The following MAGI2 variants were observed in gnomAD, a reference collection of about 807,000 sequenced individuals.
The protein encoded by MAGI2 is membrane-associated guanylate kinase, WW and PDZ domain-containing protein 2.
MAGI2 carries 35 observed loss-of-function variants against 133.3 expected under a neutral mutation model. The ratio of observed to expected loss-of-function variants is 0.26; its 90% confidence interval spans 0.20 to 0.35. MAGI2 has a LOEUF of 0.35. MAGI2 is among the 10% of genes least tolerant of loss of function. The pLI is 1.00. For synonymous variants in MAGI2, 729 were observed against 710.6 expected, an observed-to-expected ratio of 1.03 and a Z score of -0.41; for missense variants, 1,636 against 1,863.4, an observed-to-expected ratio of 0.88 and a Z score of 2.25.
At chr7:79,429,018 A>C (rs1047429779) in intron 1 of MAGI2, among the ~76,000 whole-genome samples, 2 of 152,132 alleles carry the variant, frequency 1.3e-5, no homozygotes, top group Non-Finnish European at 2.9e-5. Context: ...TATATAACAG[A>C]AACAGCCTGT....
intron 6 of MAGI2, among the ~76,000 whole-genome samples, chr7:78,427,619 T>G (rs748887224): frequency 6.7e-6 from 1 of 149,906 alleles, no homozygotes; most frequent in Non-Finnish European, 1.5e-5. Flanking sequence ...TAGTGAAAGA[T>G]TTTAATACCA....
chr7:79,083,036 C>T lies in MAGI2; in HGVS notation c.302-75830G>A, dbSNP rs1026292892. ...TGATTTTTTGTATATTGATCTTCTG[C>T]TTGCTGAATTCACTTGTTATTTCTA... On this transcript the variant is annotated intron_variant, in intron 1 of 21. Transcript: ENST00000354212. 2.6e-5 allele frequency among the ~76,000 whole-genome samples: 4 copies of T among 151,242 alleles called. No individual in the cohort carries two copies. In the Admixed American group the frequency reaches 2.6e-4, roughly 10 times the overall value.
intron 10 of MAGI2, among the ~76,000 whole-genome samples, chr7:78,202,298 A>T (rs1315204265): frequency 6.6e-6 from 1 of 152,210 alleles, no homozygotes; most frequent in East Asian, 1.9e-4. Context: ...ATAGTTACCT[A>T]CACACATTAG....
intron 1 of MAGI2, among the ~76,000 whole-genome samples, chr7:79,186,068 T>A (rs1827058666): frequency 6.6e-6 from 1 of 151,256 alleles, no homozygotes; most frequent in South Asian, 2.1e-4. Context: ...TGCTAAAAAA[T>A]GTGCATAGAC....
intron 2 of MAGI2, among the ~76,000 whole-genome samples, chr7:78,865,091 G>A (rs956944288): frequency 6.6e-5 from 10 of 152,130 alleles, no homozygotes; most frequent in South Asian, 4.1e-4. Flanking sequence ...ACCTGCTTCC[G>A]TATAAATCTA....
intron 14 of MAGI2, among the ~76,000 whole-genome samples, chr7:78,168,551 G>T (rs1264571877): frequency 1.3e-5 from 2 of 152,204 alleles, no homozygotes; most frequent in Non-Finnish European, 2.9e-5. Flanking sequence ...GAAACAAGGT[G>T]AGGATTGAAT....
chr7:78,412,468 C>A (rs1797955319), intron 6 of MAGI2, among the ~76,000 whole-genome samples: 1 of 151,960 alleles, frequency 6.6e-6, no homozygotes, highest in South Asian at 2.1e-4. Context: ...CTGAGCTGTG[C>A]TATGCAGAAT....
At chr7:79,325,546 A>G (rs2129085434) in intron 1 of MAGI2, among the ~76,000 whole-genome samples, 1 of 152,020 alleles carries the variant, frequency 6.6e-6, no homozygotes, top group East Asian at 1.9e-4. Flanking sequence ...TATAAAGAAG[A>G]GTTAACTGTT....
At chr7:78,675,248 C>CTGTTGTTGT (rs57947329) in intron 2 of MAGI2, among the ~76,000 whole-genome samples, 11 of 150,524 alleles carry the variant, frequency 7.3e-5, no homozygotes, top group African/African-American at 1.2e-4. Flanking sequence ...TTATGGGTTG[C>CTGTTGTTGT]TGTTGTTGTT....
chr7:78,394,126 G>A (rs1002538532), intron 6 of MAGI2, among the ~76,000 whole-genome samples: 1 of 152,110 alleles, frequency 6.6e-6, no homozygotes, highest in Non-Finnish European at 1.5e-5. Flanking sequence ...AGAAGATGGA[G>A]GACCCAGCTC....
At chr7:78,514,916 C>A (rs562420222) in intron 4 of MAGI2, among the ~76,000 whole-genome samples, 43 of 152,246 alleles carry the variant, frequency 2.8e-4, no homozygotes, top group African/African-American at 1.0e-3. Context: ...GCTTGGGGGC[C>A]TGGAGAAGGC....
At chr7:78,100,231 A>G (rs1293615754) in intron 20 of MAGI2, among the ~76,000 whole-genome samples, 1 of 151,852 alleles carries the variant, frequency 6.6e-6, no homozygotes, top group African/African-American at 2.4e-5. Flanking sequence ...CACCATCCCA[A>G]CTCCTACTTG....
intron 1 of MAGI2, among the ~76,000 whole-genome samples, chr7:79,114,382 G>A (rs556429622): frequency 6.6e-6 from 1 of 152,314 alleles, no homozygotes; most frequent in Admixed American, 6.5e-5. Flanking sequence ...GGTGGTAGAT[G>A]TCTCATGATC....
chr7:78,906,808 A>G (rs1356755996), intron 2 of MAGI2, among the ~76,000 whole-genome samples: 1 of 152,144 alleles, frequency 6.6e-6, no homozygotes, highest in East Asian at 1.9e-4. Context: ...ACACATACAC[A>G]CATATGTATA....
intron 5 of MAGI2, among the ~76,000 whole-genome samples, chr7:78,500,500 C>T (rs13244349): frequency 0.35 from 53,026 of 151,898 alleles, 9,902 homozygotes; most frequent in South Asian, 0.5. Flanking sequence ...TAATTTTGTG[C>T]GAAGATTTTC....
intron 9 of MAGI2, among the ~76,000 whole-genome samples, chr7:78,340,441 C>T (rs914372231): frequency 2.0e-5 from 3 of 152,238 alleles, no homozygotes; most frequent in African/African-American, 7.2e-5. Flanking sequence ...AGGGAATCCT[C>T]CCTAACTCAT....
rs564819315 is a variant in MAGI2, at chr7:78,923,606, A to C, written c.418+83484T>G. 1.9e-3 allele frequency among the ~76,000 whole-genome samples: 282 copies of C among 152,234 alleles called. 1 individual carries two copies. Among genetic ancestry groups the C allele is most frequent in the Middle Eastern group, 6.8e-3 (2 of 294 alleles). ...GTTTTGATTATTATAGCCTTGTAGTATAGTTTGAAGTCAGGTAGCGTGATG... is the reference window on the plus strand; with the variant it reads ...GTTTTGATTATTATAGCCTTGTAGTCTAGTTTGAAGTCAGGTAGCGTGATG... On this transcript the variant is annotated intron_variant, in intron 2 of 21. Transcript: ENST00000354212.
chr7:78,151,048 CTTTATATTTATATTTATATTTATA>C (rs3840597), intron 16 of MAGI2, among the ~76,000 whole-genome samples: 167 of 137,796 alleles, frequency 1.2e-3, no homozygotes, highest in East Asian at 3.4e-3. Context: ...GAGTTTGATG[CTTTATATTTATATTTATATTTATA>C]TTTATATTTA....
intron 1 of MAGI2, among the ~76,000 whole-genome samples, chr7:79,238,132 A>G (rs1170360927): frequency 6.6e-6 from 1 of 152,046 alleles, no homozygotes; most frequent in Non-Finnish European, 1.5e-5. Flanking sequence ...ACACATTCAA[A>G]TTTGCTTTTC....
Sources: allele counts gnomAD v4.1 joint callset (sites outside exome capture counted in the v4.1 genomes callset), GRCh38; gene constraint gnomAD v4.1.1; transcripts MANE v1.5; gene names NCBI Gene and HGNC (gene_info 2026-07-23, HGNC 2026-07-21).